Variants in FBXO3 observed in about 807,000 individuals in gnomAD.
FBXO3 encodes the protein F-box only protein 3.
A neutral mutation model predicts 64.8 loss-of-function variants in FBXO3; 17 were observed. The observed-to-expected ratio is 0.26, with a 90% CI of 0.18 to 0.39. FBXO3 has a LOEUF of 0.39. FBXO3 is among the 10% of genes least tolerant of loss of function. FBXO3 has a pLI of 1.00. For synonymous variants in FBXO3, 182 were observed against 201.6 expected (o/e 0.90, Z 0.82); for missense variants, 420 against 589.9 (o/e 0.71, Z 2.98).
intron 3 of FBXO3, among the ~76,000 whole-genome samples, 192 bp from the exon 4 acceptor site, chr11:33,758,793 C>T (rs1855170769): frequency 6.6e-6 from 1 of 152,116 alleles, no homozygotes; most frequent in African/African-American, 2.4e-5. Flanking sequence ...AGTTTCCTCC[C>T]AACAGGGAAA....
chr11:33,759,730 A>G (rs1014690196), intron 3 of FBXO3, among the ~76,000 whole-genome samples: 4 of 151,596 alleles, frequency 2.6e-5, no homozygotes, highest in Admixed American at 6.6e-5. Flanking sequence ...AAAAATAGAA[A>G]ATAGAACCAA....
chr11:33,765,309 A>T (rs989202185), intron 3 of FBXO3, among the ~76,000 whole-genome samples: 5 of 152,196 alleles, frequency 3.3e-5, no homozygotes, highest in Non-Finnish European at 5.9e-5. Flanking sequence ...AGTTCATTTT[A>T]AAAAAAGAGA....
Position 33,741,880 on chromosome 11 carries a change from C to CTAGTGCTT in FBXO3, c.*27_*28insAAGCACTA. On this transcript the variant is annotated 3_prime_UTR_variant, in exon 11 of 11. Transcript: ENST00000265651. ...AATCTATTTAACAGCCTAGAATCATCCTAGTGCTTCCATCAGCAGAAGGCT... is the reference window on the plus strand; with the variant it reads ...AATCTATTTAACAGCCTAGAATCATCTAGTGCTTCTAGTGCTTCCATCAGCAGAAGGCT... 1 of 1,600,192 alleles carries CTAGTGCTT rather than the reference C, an allele frequency of 6.2e-7. No homozygotes were observed. The highest frequency in any genetic ancestry group is 8.5e-7 in the Non-Finnish European group (1 of 1,173,666).
In FBXO3 at chr11:33,748,765, T is replaced by C. The variant is rs1854879464; in HGVS notation, c.1048+12A>G. On this transcript the variant is annotated intron_variant, in intron 9 of 10. Transcript: ENST00000265651. Reference sequence around the variant, plus strand: ...GGAATTAATGTATAAACCTAAATCTTGGGTTCCATACCAACTACTCCAGGT... The same window carrying C: ...GGAATTAATGTATAAACCTAAATCTCGGGTTCCATACCAACTACTCCAGGT... 1 of 1,555,494 alleles carries C rather than the reference T, an allele frequency of 6.4e-7. No homozygotes were observed. Among genetic ancestry groups the C allele is most frequent in the South Asian group, 1.1e-5 (1 of 89,476 alleles).
At chr11:33,771,276 A>AT (rs1564996558) in intron 1 of FBXO3, 1 of 152,230 alleles carries the variant, frequency 6.6e-6, no homozygotes, top group Non-Finnish European at 1.5e-5. Flanking sequence ...GTTTTTTAAA[A>AT]TTTTTTACTT....
intron 3 of FBXO3, among the ~76,000 whole-genome samples, chr11:33,759,257 AAG>A (rs1340045372): frequency 3.3e-5 from 5 of 152,150 alleles, no homozygotes; most frequent in African/African-American, 4.8e-5. Flanking sequence ...GGTCCAGGAG[AAG>A]AGAGAGACTG....
rs1378346148 is a variant in FBXO3 at position 33,741,893 on chromosome 11, T to A, written c.*15A>T. 1 of 1,605,768 alleles carries A rather than the reference T, an allele frequency of 6.2e-7. No individual in the cohort carries two copies. The highest frequency in any genetic ancestry group is 2.2e-5 in the East Asian group (1 of 44,774). On this transcript the variant is annotated 3_prime_UTR_variant, in exon 11 of 11. Transcript: ENST00000265651. The stretch of plus-strand genomic sequence containing the variant: ...GCCTAGAATCATCCTAGTGCTTCCA[T>A]CAGCAGAAGGCTTGCTAAAAAAGGC...
At chr11:33,745,199 A>T (rs1289751644) in intron 10 of FBXO3, 1 of 152,134 alleles carries the variant, frequency 6.6e-6, no homozygotes, top group Non-Finnish European at 1.5e-5. Flanking sequence ...TTCAAAATAC[A>T]TGAAGCAAAC....
At chr11:33,764,519 G>C (rs796769441) in intron 3 of FBXO3, among the ~76,000 whole-genome samples, 5 of 152,106 alleles carry the variant, frequency 3.3e-5, no homozygotes, top group African/African-American at 1.2e-4. Context: ...GATATAATGT[G>C]AGGAGAAGGG....
At chr11:33,757,915 T>C (rs1855147734) in intron 4 of FBXO3, among the ~76,000 whole-genome samples, 1 of 148,960 alleles carries the variant, frequency 6.7e-6, no homozygotes, top group Admixed American at 6.7e-5. Flanking sequence ...GAGATCATGC[T>C]ACTATACTCC....
intron 9 of FBXO3, among the ~76,000 whole-genome samples, chr11:33,748,095 G>A (rs1343020857): frequency 1.3e-5 from 2 of 152,102 alleles, no homozygotes; most frequent in Non-Finnish European, 1.5e-5. Flanking sequence ...GCACTCACAA[G>A]GGAGAGTCCT....
At chr11:33,760,291 G>C (rs1276338028) in intron 3 of FBXO3, among the ~76,000 whole-genome samples, 1 of 152,160 alleles carries the variant, frequency 6.6e-6, no homozygotes, top group Non-Finnish European at 1.5e-5. Context: ...GGTGCAGTGA[G>C]GGTATAATTA....
chr11:33,772,805 C>T (rs1047821902), intron 1 of FBXO3: 3 of 151,866 alleles, frequency 2.0e-5, no homozygotes, highest in Non-Finnish European at 4.4e-5. Context: ...AGCAAGCCCT[C>T]GGGGAAAAAA....
chr11:33,769,287 T>G (rs1024073187), intron 2 of FBXO3, among the ~76,000 whole-genome samples: 9 of 152,126 alleles, frequency 5.9e-5, no homozygotes, highest in South Asian at 4.1e-4. Flanking sequence ...ATATGAATAG[T>G]AATAACGTAT....
chr11:33,745,733 G>C (rs998475376), intron 10 of FBXO3: 21 of 152,010 alleles, frequency 1.4e-4, no homozygotes, highest in African/African-American at 4.8e-4. Flanking sequence ...CCTTAAAAAA[G>C]CTAGAAGAAA....
intron 7 of FBXO3, among the ~76,000 whole-genome samples, chr11:33,751,116 C>T (rs2133599091): frequency 6.6e-6 from 1 of 152,318 alleles, no homozygotes; most frequent in African/African-American, 2.4e-5. Context: ...AGTATTACCT[C>T]CAGTACTCCC....
At chr11:33,751,485 A>T in intron 7 of FBXO3, 38 bp downstream of exon 7, 1 of 1,319,678 alleles carries the variant, frequency 7.6e-7, no homozygotes, top group Non-Finnish European at 1.1e-6. Context: ...TCTCTGATTT[A>T]CAATCATTTC....
At chr11:33,759,386 C>T (rs1855188343) in intron 3 of FBXO3, among the ~76,000 whole-genome samples, 1 of 152,176 alleles carries the variant, frequency 6.6e-6, no homozygotes, top group Non-Finnish European at 1.5e-5. Flanking sequence ...GGCAGTACCA[C>T]AGGGCTAGAG....
chr11:33,752,779 T>C (rs1270852071), intron 6 of FBXO3, among the ~76,000 whole-genome samples: 2 of 139,226 alleles, frequency 1.4e-5, no homozygotes, highest in Non-Finnish European at 3.4e-5. Flanking sequence ...TTAGCACTAG[T>C]ACTTTCTCTG....
Sources: allele counts gnomAD v4.1 joint callset (sites outside exome capture counted in the v4.1 genomes callset), GRCh38; gene constraint gnomAD v4.1.1; transcripts MANE v1.5; gene names NCBI Gene and HGNC (gene_info 2026-07-23, HGNC 2026-07-21).